Variants in ANKFN1 observed in about 807,000 individuals in gnomAD.
ANKFN1 encodes the protein ankyrin repeat and fibronectin type-III domain-containing protein 1.
Under a neutral mutation model 108.7 loss-of-function variants are expected in ANKFN1, and 74 were observed. The ratio of observed to expected loss-of-function variants is 0.68; its 90% confidence interval spans 0.56 to 0.83. The LOEUF (loss-of-function observed/expected upper bound fraction) is 0.83, where lower values mean the gene tolerates loss of function less well. ANKFN1 is among the 40% of genes least tolerant of loss of function. ANKFN1 has a pLI of 0.00. For synonymous variants in ANKFN1, 547 were observed against 516.2 expected (o/e 1.06, Z -0.81); for missense variants, 1,505 against 1,382.3 (o/e 1.09, Z -1.41).
chr17:56,426,514 T>A (rs2048572719), intron 8 of ANKFN1, among the ~76,000 whole-genome samples: 1 of 152,200 alleles, frequency 6.6e-6, no homozygotes, highest in Non-Finnish European at 1.5e-5. Context: ...GCATTTTAGG[T>A]CAAAGCTACT....
At chr17:56,269,740 C>G (rs550385024) in intron 3 of ANKFN1, among the ~76,000 whole-genome samples, 3 of 152,316 alleles carry the variant, frequency 2.0e-5, no homozygotes, top group African/African-American at 7.2e-5. Flanking sequence ...AAGGAAAATG[C>G]AACAGAATGC....
intron 8 of ANKFN1, among the ~76,000 whole-genome samples, chr17:56,388,126 T>A (rs929141587): frequency 1.3e-5 from 2 of 152,072 alleles, no homozygotes; most frequent in Non-Finnish European, 2.9e-5. Flanking sequence ...ATTTCTTTCT[T>A]TTTTTCTTTT....
At chr17:56,482,283 C>G (rs2050734053) in intron 17 of ANKFN1, 73 bp from the exon 18 acceptor site, 2 of 1,323,006 alleles carry the variant, frequency 1.5e-6, no homozygotes, top group Non-Finnish European at 2.0e-6. Flanking sequence ...ATGTTTTATG[C>G]CAGTTTGGTG....
intron 3 of ANKFN1, among the ~76,000 whole-genome samples, chr17:56,229,056 T>C (rs1916505371): frequency 6.6e-6 from 1 of 152,144 alleles, no homozygotes; most frequent in South Asian, 2.1e-4. Context: ...GGTTGGTTTT[T>C]TGTTTGCTCT....
chr17:56,143,477 C>A (rs754036513), intron 4 of ANKFN1, among the ~76,000 whole-genome samples: 1 of 152,182 alleles, frequency 6.6e-6, no homozygotes, highest in Non-Finnish European at 1.5e-5. Flanking sequence ...TGCAATGGAC[C>A]ATTCTCTTCT....
chr17:56,311,749 T>C (rs536015627), intron 3 of ANKFN1, among the ~76,000 whole-genome samples: 9 of 152,204 alleles, frequency 5.9e-5, no homozygotes, highest in Admixed American at 2.0e-4. Flanking sequence ...GGTATTTGCA[T>C]TGGGTGTATA....
intron 3 of ANKFN1, among the ~76,000 whole-genome samples, chr17:56,240,129 T>C (rs1018897014): frequency 5.3e-5 from 8 of 152,194 alleles, no homozygotes; most frequent in Non-Finnish European, 1.0e-4. Flanking sequence ...AATAAATTAC[T>C]TTAAATATAA....
intron 1 of ANKFN1, among the ~76,000 whole-genome samples, chr17:56,187,814 G>C (rs923160833): frequency 6.6e-6 from 1 of 151,990 alleles, no homozygotes; most frequent in Admixed American, 6.6e-5. Flanking sequence ...CCATCATTCT[G>C]AGCAAACTAT....
chr17:56,389,637 T>TTGTGTAAG (rs2047372941), intron 8 of ANKFN1, among the ~76,000 whole-genome samples: 1 of 152,202 alleles, frequency 6.6e-6, no homozygotes, highest in South Asian at 2.1e-4. Context: ...TTTCAAAAAA[T>TTGTGTAAG]TGTGTAAGTT....
At chr17:56,406,142 T>A (rs1392697951) in intron 8 of ANKFN1, among the ~76,000 whole-genome samples, 2 of 152,050 alleles carry the variant, frequency 1.3e-5, no homozygotes, top group African/African-American at 4.8e-5. Flanking sequence ...CATAAAGGAA[T>A]AGTCTTTAAA....
intron 4 of ANKFN1, among the ~76,000 whole-genome samples, chr17:56,074,551 A>T (rs770115526): frequency 6.6e-6 from 1 of 152,178 alleles, no homozygotes; most frequent in African/African-American, 2.4e-5. Context: ...ACAGCTGGTG[A>T]GGGATTTCAT....
At chr17:56,149,571 G>A (rs1339349780), upstream of ANKFN1, among the ~76,000 whole-genome samples, 1 of 152,216 alleles carries the variant, frequency 6.6e-6, no homozygotes, top group Non-Finnish European at 1.5e-5. Context: ...CACTGTGAAT[G>A]ACTGGGCCAC....
intron 6 of ANKFN1, among the ~76,000 whole-genome samples, chr17:56,357,258 A>G (rs2046400391): frequency 6.6e-6 from 1 of 152,228 alleles, no homozygotes; most frequent in African/African-American, 2.4e-5. Context: ...TGTACCTATG[A>G]AGTCTCCACA....
chr17:56,405,941 G>A (rs980827782), intron 8 of ANKFN1, among the ~76,000 whole-genome samples: 4 of 152,098 alleles, frequency 2.6e-5, no homozygotes, highest in African/African-American at 4.8e-5. Context: ...TGGGAAGATG[G>A]TAAATAAGGA....
chr17:56,228,036 T>C (rs1598273782), intron 3 of ANKFN1, 79 bp downstream of exon 3: 1 of 1,207,804 alleles, frequency 8.3e-7, no homozygotes, highest in East Asian at 2.4e-5. Context: ...AAGGCTCCCA[T>C]CTCACATTGC....
intron 1 of ANKFN1, among the ~76,000 whole-genome samples, chr17:56,170,793 T>TACACACAC (rs1910600590): frequency 3.2e-5 from 2 of 62,938 alleles, no homozygotes; most frequent in South Asian, 8.4e-4. Flanking sequence ...TATATATATA[T>TACACACAC]ATATATATAT....
chr17:56,391,330 A>G (rs1036441834), intron 8 of ANKFN1, among the ~76,000 whole-genome samples: 1 of 146,838 alleles, frequency 6.8e-6, no homozygotes, highest in African/African-American at 2.6e-5. Context: ...ACATATATAT[A>G]TATATGTATT....
intron 4 of ANKFN1, among the ~76,000 whole-genome samples, chr17:56,349,023 T>A (rs1295351229): frequency 3.3e-5 from 5 of 152,166 alleles, no homozygotes; most frequent in African/African-American, 9.7e-5. Context: ...ATGGTATATA[T>A]ACACCATGGA....
intron 4 of ANKFN1, among the ~76,000 whole-genome samples, chr17:56,345,062 G>A (rs147896544): frequency 6.6e-6 from 1 of 152,106 alleles, no homozygotes; most frequent in Non-Finnish European, 1.5e-5. Context: ...CCCACCGACA[G>A]ACCCCAGTGT....
Sources: allele counts gnomAD v4.1 joint callset (sites outside exome capture counted in the v4.1 genomes callset), GRCh38; gene constraint gnomAD v4.1.1; transcripts MANE v1.5; gene names NCBI Gene and HGNC (gene_info 2026-07-23, HGNC 2026-07-21).